MAPKAP1: variants seen among roughly 807,000 people sequenced by gnomAD.
The protein encoded by MAPKAP1 is MAPK associated protein 1.
In MAPKAP1, 20 loss-of-function variants were observed where a neutral mutation model predicts 65.7. That is an observed-to-expected ratio of 0.30 (90% CI 0.21 to 0.44). The LOEUF is 0.44. MAPKAP1 is among the 20% of genes least tolerant of loss of function. The pLI, the probability that MAPKAP1 is intolerant of heterozygous loss-of-function variation, is 1.00. For missense variants in MAPKAP1, 423 were observed against 648.0 expected (o/e 0.65, Z 3.77); for synonymous variants, 222 against 244.3 (o/e 0.91, Z 0.85).
At chr9:125,487,994 T>C (rs1356575531) in intron 8 of MAPKAP1, among the ~76,000 whole-genome samples, 4 of 152,368 alleles carry the variant, frequency 2.6e-5, no homozygotes, top group African/African-American at 4.8e-5. Context: ...GATAGGATTT[T>C]AGTAGAGGTC....
At chr9:125,440,753 G>C in intron 11 of MAPKAP1, among the ~76,000 whole-genome samples, 1 of 152,358 alleles carries the variant, frequency 6.6e-6, no homozygotes, top group Middle Eastern at 3.4e-3. Flanking sequence ...TACCAGCTGA[G>C]AGCAATAAAT....
intron 1 of MAPKAP1, among the ~76,000 whole-genome samples, chr9:125,698,949 G>A (rs1835515358): frequency 6.6e-6 from 1 of 152,082 alleles, no homozygotes; most frequent in Non-Finnish European, 1.5e-5. Flanking sequence ...ACTCTTTTAT[G>A]ACCACTCCAT....
chr9:125,611,582 A>G (rs1289119043), intron 4 of MAPKAP1, among the ~76,000 whole-genome samples: 5 of 152,196 alleles, frequency 3.3e-5, no homozygotes, highest in Non-Finnish European at 7.4e-5. Flanking sequence ...AGAAAGCCCA[A>G]TGAATGCAAA....
rs771986904 is a variant in MAPKAP1, at chr9:125,657,766, G to A, written c.383C>T (p.Ser128Phe). Residue 128 changes from serine to phenylalanine, a missense_variant, in exon 4 of 12, where the codon TCT becomes TTT. Physicochemically the swap from Ser to Phe is radical, Grantham distance 155 (BLOSUM62 -2). This residue lies in a region of MAPKAP1 where 67 missense variants were observed against 69.6 expected (regional missense o/e 0.96). Coordinates refer to ENST00000265960, the MANE Select transcript of MAPKAP1 (RefSeq NM_001006617.3). The stretch of plus-strand genomic sequence containing the variant: ...AGAAATTGGAGGCTTCTCTTTGAGA[G>A]ATTTTTTTTCAAACAGTGACTTTAA... The part of the protein sequence containing the change: ...QELKSLFEKK[S>F]LKEKPPISGK... The A allele has an allele frequency of 6.2e-7, 1 of 1,613,884 alleles. No individual in the cohort carries two copies. The highest frequency in any genetic ancestry group is 8.5e-7 in the Non-Finnish European group (1 of 1,179,826).
intron 4 of MAPKAP1, among the ~76,000 whole-genome samples, chr9:125,649,276 G>C (rs1833822344): frequency 6.6e-6 from 1 of 152,190 alleles, no homozygotes; most frequent in Non-Finnish European, 1.5e-5. Flanking sequence ...GTCAGGTAGT[G>C]AGAAGGTAGT....
rs143534768 is a variant in MAPKAP1 at position 125,526,227 on chromosome 9, C to T, written c.958+16832G>A. Among the ~76,000 whole-genome samples, 1,150 of 152,348 alleles carry T rather than the reference C, an allele frequency of 7.5e-3. 2 individuals are homozygous for T. Among genetic ancestry groups the T allele is most frequent in the Non-Finnish European group, 0.013 (854 of 68,020 alleles). Reference sequence around the variant, plus strand: ...TCCATGGACTTTCCTATGACCTCTTCTGTACCTCTCCACAGAAGTTAGATG... The same window carrying T: ...TCCATGGACTTTCCTATGACCTCTTTTGTACCTCTCCACAGAAGTTAGATG... On this transcript the variant is annotated intron_variant, in intron 7 of 11. Transcript: ENST00000265960.
chr9:125,467,949 C>T (rs374647073), intron 10 of MAPKAP1, 23 bp downstream of exon 10: 2 of 1,611,824 alleles, frequency 1.2e-6, no homozygotes, highest in Non-Finnish European at 1.7e-6. Flanking sequence ...AGAAAGGAGA[C>T]ATAAATAAAA....
chr9:125,448,059 A>G (rs1299794157), intron 10 of MAPKAP1, among the ~76,000 whole-genome samples: 1 of 152,150 alleles, frequency 6.6e-6, no homozygotes, highest in Non-Finnish European at 1.5e-5. Context: ...AGGGCAAGTG[A>G]AAGAAATGGG....
intron 5 of MAPKAP1, among the ~76,000 whole-genome samples, chr9:125,563,090 A>C (rs1307131937): frequency 6.6e-6 from 1 of 152,246 alleles, no homozygotes; most frequent in East Asian, 1.9e-4. Context: ...GAAAAGAGGG[A>C]TAACATGCTC....
Position 125,468,117 on chromosome 9 carries a change from C to A in MAPKAP1, c.1208-8G>T. ...CTTTGTCTCCAGAGATACCTGTAAG[C>A]CAAGGTGAGGACACAAAAGAAAACA... On this transcript the variant is annotated splice_polypyrimidine_tract_variant and splice_region_variant and intron_variant, in intron 9 of 11. Coordinates refer to ENST00000265960, the MANE Select transcript of MAPKAP1 (RefSeq NM_001006617.3). 1 of 1,613,526 alleles carries A rather than the reference C, an allele frequency of 6.2e-7. No homozygotes were observed. The highest frequency in any genetic ancestry group is 8.5e-7 in the Non-Finnish European group (1 of 1,179,716).
At chr9:125,531,154 T>C (rs1829922435) in intron 7 of MAPKAP1, among the ~76,000 whole-genome samples, 1 of 152,104 alleles carries the variant, frequency 6.6e-6, no homozygotes, top group Non-Finnish European at 1.5e-5. Flanking sequence ...GCAGGGACAT[T>C]TGGTCTCTCT....
chr9:125,603,379 A>T (rs1480418278), intron 4 of MAPKAP1, among the ~76,000 whole-genome samples: 1 of 140,928 alleles, frequency 7.1e-6, no homozygotes, highest in African/African-American at 2.6e-5. Flanking sequence ...AAAGAGGAAA[A>T]TAACAATGTG....
At chr9:125,663,811 C>T (rs576516243) in intron 3 of MAPKAP1, among the ~76,000 whole-genome samples, 2 of 152,224 alleles carry the variant, frequency 1.3e-5, no homozygotes, top group Admixed American at 1.3e-4. Flanking sequence ...TGAGAGCCCT[C>T]CTTCAAGCTG....
chr9:125,468,333 T>C (rs892379854), intron 9 of MAPKAP1, among the ~76,000 whole-genome samples: 9 of 151,958 alleles, frequency 5.9e-5, no homozygotes, highest in African/African-American at 2.2e-4. Flanking sequence ...GAGTTGAGGG[T>C]GGGGGAACCC....
chr9:125,620,124 C>T (rs960136213), intron 4 of MAPKAP1, among the ~76,000 whole-genome samples: 2 of 152,192 alleles, frequency 1.3e-5, no homozygotes, highest in Non-Finnish European at 2.9e-5. Flanking sequence ...GCCTGGCCAA[C>T]ATGGTGAAAC....
intron 9 of MAPKAP1, among the ~76,000 whole-genome samples, chr9:125,477,285 T>C (rs1470587514): frequency 6.6e-6 from 1 of 152,190 alleles, no homozygotes; most frequent in African/African-American, 2.4e-5. Flanking sequence ...TCTACACTGA[T>C]AAATGAGGCA....
rs150527917 is a variant in MAPKAP1, at chr9:125,445,689, C to T, written c.1346-1091G>A. 2.2e-4 allele frequency among the ~76,000 whole-genome samples: 34 copies of T among 152,378 alleles called. No homozygotes were observed. The East Asian group carries it at 6.4e-3, about 28-fold the overall frequency. ...TAGGCTGTCTAAACTGGCACAAGGA[C>T]TGAGAATAAGATGAGGGGCTTTGGG... On this transcript the variant is annotated intron_variant, in intron 10 of 11. Coordinates refer to ENST00000265960, the MANE Select transcript of MAPKAP1 (RefSeq NM_001006617.3).
intron 10 of MAPKAP1, among the ~76,000 whole-genome samples, chr9:125,461,927 G>A (rs1387337521): frequency 6.6e-6 from 1 of 152,138 alleles, no homozygotes; most frequent in Non-Finnish European, 1.5e-5. Flanking sequence ...TGCACCAGCA[G>A]GGCTGTAGAT....
chr9:125,656,237 T>A (rs184890011), intron 4 of MAPKAP1, among the ~76,000 whole-genome samples: 4 of 152,298 alleles, frequency 2.6e-5, no homozygotes, highest in South Asian at 4.1e-4. Flanking sequence ...TATTTTTTTT[T>A]AAATCCTATG....
Sources: allele counts gnomAD v4.1 joint callset (sites outside exome capture counted in the v4.1 genomes callset), GRCh38; gene constraint gnomAD v4.1.1; regional missense constraint gnomAD v4.1.1; transcripts MANE v1.5; gene names NCBI Gene and HGNC (gene_info 2026-07-23, HGNC 2026-07-21).